Variants in RBFOX1 observed in about 807,000 individuals in gnomAD.
RBFOX1 encodes RNA binding protein fox-1 homolog 1.
A neutral mutation model predicts 57.7 loss-of-function variants in RBFOX1; 8 were observed. The observed-to-expected ratio is 0.14, with a 90% CI of 0.08 to 0.25. The LOEUF is 0.25. Among genes scored for constraint, RBFOX1 ranks in the 10% least tolerant of loss-of-function variants. The probability of loss-of-function intolerance (pLI) is 1.00; values close to 1 mark genes in which losing one functional copy is unlikely to be tolerated. For synonymous variants in RBFOX1, 326 were observed against 222.4 expected (o/e 1.47, Z -4.15); for missense variants, 611 against 548.5 (o/e 1.11, Z -1.14).
At chr16:7,256,089 T>A (rs1184698282) in intron 4 of RBFOX1, among the ~76,000 whole-genome samples, 28 of 152,224 alleles carry the variant, frequency 1.8e-4, no homozygotes, top group Admixed American at 1.8e-3. Flanking sequence ...AAGTCATCAT[T>A]CATTTTTAAT....
chr16:7,660,023 T>C (rs1446217238), intron 12 of RBFOX1, among the ~76,000 whole-genome samples: 1 of 152,206 alleles, frequency 6.6e-6, no homozygotes, highest in Non-Finnish European at 1.5e-5. Context: ...AAAAAGTTTA[T>C]TTTCTAGTTG....
intron 3 of RBFOX1, among the ~76,000 whole-genome samples, chr16:6,952,795 G>C (rs1021909177): frequency 6.6e-6 from 1 of 152,126 alleles, no homozygotes; most frequent in South Asian, 2.1e-4. Context: ...GGCCAACATG[G>C]TGAAACCCCA....
intron 4 of RBFOX1, among the ~76,000 whole-genome samples, chr16:7,292,445 A>C (rs906015618): frequency 7.0e-6 from 1 of 143,684 alleles, no homozygotes; most frequent in Non-Finnish European, 1.5e-5. Flanking sequence ...ATAATATATA[A>C]TATGTAATGT....
At chr16:7,705,741 G>A (rs1031554105) in intron 14 of RBFOX1, among the ~76,000 whole-genome samples, 4 of 152,172 alleles carry the variant, frequency 2.6e-5, no homozygotes, top group African/African-American at 4.8e-5. Flanking sequence ...TGGTTTGAAG[G>A]AGCAAGAGTT....
chr16:6,996,313 A>C (rs1394202535), intron 3 of RBFOX1, among the ~76,000 whole-genome samples: 1 of 152,102 alleles, frequency 6.6e-6, no homozygotes, highest in Non-Finnish European at 1.5e-5. Context: ...TAGTACTGGG[A>C]TTTTTAAATT....
At chr16:5,555,701 C>G (rs1007200483) in intron 2 of RBFOX1, among the ~76,000 whole-genome samples, 2 of 152,040 alleles carry the variant, frequency 1.3e-5, no homozygotes, top group Non-Finnish European at 2.9e-5. Flanking sequence ...AAGTGTTTCA[C>G]TAAGTCTGGA....
Position 7,710,783 on chromosome 16 carries a change from A to AG in RBFOX1, c.*40dup, listed in dbSNP as rs773323780. On this transcript the variant is annotated 3_prime_UTR_variant, in exon 16 of 16. Transcript: ENST00000550418. ...TAAAAACCTTCCAATGTGGGGAGAA[A>AG]GGAAGCTTTCCGAGGCCTGAGTATT... The AG allele has an allele frequency of 3.3e-6, 5 of 1,497,916 alleles. No homozygotes were observed. The South Asian group carries it at 6.8e-5, about 20-fold the overall frequency. 92.8% of individuals were successfully genotyped at this position (1,497,916 alleles called of 1,614,324 possible).
intron 4 of RBFOX1, among the ~76,000 whole-genome samples, chr16:7,062,792 G>T (rs897221123): frequency 6.6e-6 from 1 of 151,728 alleles, no homozygotes; most frequent in Non-Finnish European, 1.5e-5. Context: ...ACGGTTCCCA[G>T]GGCTAGACCT....
intron 4 of RBFOX1, among the ~76,000 whole-genome samples, chr16:7,470,651 G>A (rs1246722441): frequency 6.6e-6 from 1 of 152,100 alleles, no homozygotes; most frequent in Non-Finnish European, 1.5e-5. Flanking sequence ...TGGATAGACG[G>A]ATGAGTGTAC....
At chr16:6,924,948 T>C (rs1365949961) in intron 3 of RBFOX1, among the ~76,000 whole-genome samples, 1 of 151,050 alleles carries the variant, frequency 6.6e-6, no homozygotes, top group Non-Finnish European at 1.5e-5. Context: ...TTTGGTTTTT[T>C]GCCCTTGCGA....
rs548462296 is a variant in RBFOX1 at position 5,991,142 on chromosome 16, G to A, written c.351+123807G>A. Among the ~76,000 whole-genome samples the A allele has an allele frequency of 2.0e-5, 3 of 152,150 alleles. No homozygotes were observed. The South Asian group carries it at 6.2e-4, about 32-fold the overall frequency. Reference sequence around the variant, plus strand: ...CCTCTTATTAAAGTTGGACCATTTGGGGGGTGACTGTAGGGTTACATACAA... The same window carrying A: ...CCTCTTATTAAAGTTGGACCATTTGAGGGGTGACTGTAGGGTTACATACAA... On this transcript the variant is annotated intron_variant, in intron 4 of 19. Coordinates refer to the RBFOX1 transcript ENST00000641259.
intron 14 of RBFOX1, among the ~76,000 whole-genome samples, chr16:7,681,800 G>A (rs565339398): frequency 6.6e-6 from 1 of 152,172 alleles, no homozygotes; most frequent in African/African-American, 2.4e-5. Flanking sequence ...ATGCAAAGCA[G>A]ACAAAGGGGG....
chr16:5,889,039 C>T (rs535251921), intron 4 of RBFOX1, among the ~76,000 whole-genome samples: 19 of 152,106 alleles, frequency 1.2e-4, no homozygotes, highest in Non-Finnish European at 2.2e-4. Flanking sequence ...GATCACCACA[C>T]GCTCTTCAAT....
rs186885959 is a variant in RBFOX1 at position 6,164,018 on chromosome 16, C to T, written c.-127+144026C>T. The stretch of plus-strand genomic sequence containing the variant: ...TTGTCACAGAGTTACATTTTTGTGA[C>T]GAGAGTAGTTGAAATCTTCTTATTT... On this transcript the variant is annotated intron_variant, in intron 1 of 15. Transcript: ENST00000550418. Among the ~76,000 whole-genome samples the T allele has an allele frequency of 9.2e-5, 14 of 152,132 alleles. No homozygotes were observed. The East Asian group carries it at 9.7e-4, about 10-fold the overall frequency.
At chr16:7,100,198 G>T (rs998879745) in intron 4 of RBFOX1, among the ~76,000 whole-genome samples, 2 of 152,050 alleles carry the variant, frequency 1.3e-5, no homozygotes, top group African/African-American at 4.8e-5. Context: ...TTCGAAATTT[G>T]TGTGTTAAAG....
intron 2 of RBFOX1, among the ~76,000 whole-genome samples, chr16:6,499,999 C>A (rs146137435): frequency 6.6e-6 from 1 of 152,012 alleles, no homozygotes; most frequent in East Asian, 1.9e-4. Context: ...TTTTTGGGAC[C>A]TCCTTTCTAG....
intron 3 of RBFOX1, among the ~76,000 whole-genome samples, chr16:5,831,889 A>T (rs2056287877): frequency 6.6e-6 from 1 of 152,194 alleles, no homozygotes; most frequent in Non-Finnish European, 1.5e-5. Flanking sequence ...CCATGCTTGG[A>T]TCTTGGTCAC....
chr16:7,156,139 G>A (rs994567061), intron 4 of RBFOX1, among the ~76,000 whole-genome samples: 2 of 151,682 alleles, frequency 1.3e-5, no homozygotes, highest in Admixed American at 1.3e-4. Flanking sequence ...TCAAGGTGCT[G>A]GGATCACAAG....
chr16:7,450,346 A>G (rs545901002), intron 4 of RBFOX1, among the ~76,000 whole-genome samples: 69 of 139,544 alleles, frequency 4.9e-4, no homozygotes, highest in African/African-American at 1.7e-3. Flanking sequence ...GTGAGCCGCA[A>G]TCGCGCCATT....
Sources: allele counts gnomAD v4.1 joint callset (sites outside exome capture counted in the v4.1 genomes callset), GRCh38; gene constraint gnomAD v4.1.1; transcripts MANE v1.5; gene names NCBI Gene and HGNC (gene_info 2026-07-23, HGNC 2026-07-21).